Variants in TRIM15 observed in about 807,000 individuals in gnomAD.
TRIM15 encodes E3 ubiquitin-protein ligase TRIM15.
A neutral mutation model predicts 35.8 loss-of-function variants in TRIM15; 35 were observed. The observed-to-expected ratio is 0.98, with a 90% confidence interval of 0.75 to 1.30. The LOEUF is 1.30. TRIM15 is among the 50% of genes most tolerant of loss of function. The pLI is 0.00. For synonymous variants in TRIM15, 252 were observed against 249.8 expected, an observed-to-expected ratio of 1.01 and a Z score of -0.08; for missense variants, 590 against 593.5, an observed-to-expected ratio of 0.99 and a Z score of 0.06.
intron 4 of TRIM15, 198 bp from the exon 5 acceptor site, chr6:30,170,303 G>C (rs1456460201): frequency 3.6e-6 from 2 of 559,678 alleles, no homozygotes; most frequent in Non-Finnish European, 6.3e-6. Flanking sequence ...ATTATCCTTA[G>C]TTCCTCTTAG....
intron 6 of TRIM15, 55 bp downstream of exon 6, chr6:30,171,063 G>T: frequency 5.7e-6 from 9 of 1,567,740 alleles, no homozygotes; most frequent in South Asian, 2.3e-5. Context: ...TCAATCCATG[G>T]CAGCAAACAG....
chr6:30,171,073 G>C (rs1773984352), intron 6 of TRIM15, 65 bp downstream of exon 6: 5 of 1,549,308 alleles, frequency 3.2e-6, no homozygotes, highest in Admixed American at 1.9e-5. Flanking sequence ...GCAGCAAACA[G>C]AGCAATAAAA....
At chr6:30,170,932 A>C in intron 5 of TRIM15, 44 bp from the exon 6 acceptor site, 1 of 1,598,108 alleles carries the variant, frequency 6.3e-7, no homozygotes, top group Non-Finnish European at 8.5e-7. Flanking sequence ...GCCTATAAGA[A>C]GTAATAAGTC....
At position 30,171,919 on chromosome 6, in the gene TRIM15, A is replaced by G; in HGVS notation, c.968A>G (p.Lys323Arg). The part of the protein sequence containing the change: ...RKSVRYTRQK[K>R]SLPDSPLRFD... ...TCAGTGAGGTACACCCGGCAGAAGA[A>G]GAGCCTGCCAGACAGCCCCCTGCGC... Residue 323 changes from lysine (K) to arginine (R), a missense_variant, in exon 7 of 7, where the codon AAG becomes AGG. Physicochemically the swap from Lys to Arg is conservative, Grantham distance 26. Coordinates refer to ENST00000376694, the MANE Select transcript of TRIM15 (RefSeq NM_033229.3). 6.2e-7 allele frequency: 1 copy of G among 1,600,214 alleles called. No homozygotes were observed. The highest frequency in any genetic ancestry group is 8.5e-7 in the Non-Finnish European group (1 of 1,173,678).
Position 30,163,826 on chromosome 6 carries a change from G to C in TRIM15, c.142G>C (p.Ala48Pro). ...CCTCCCCGCGCTCTCCCAGATGGGG[G>C]CCCAATCCTCGGGCAAGATCCTGCT... ...LCLPALSQMG[A>P]QSSGKILLCP... Residue 48 changes from alanine to proline, a missense_variant, in exon 1 of 7, where the codon GCC becomes CCC. By Grantham distance (27) the Ala-to-Pro change is conservative (BLOSUM62 -1). Coordinates refer to ENST00000376694, the MANE Select transcript of TRIM15 (RefSeq NM_033229.3). The C allele has an allele frequency of 6.2e-7, 1 of 1,613,046 alleles. No individual in the cohort carries two copies. Among genetic ancestry groups the C allele is most frequent in the African/African-American group, 1.3e-5 (1 of 75,060 alleles).
intron 1 of TRIM15, among the ~76,000 whole-genome samples, chr6:30,165,839 T>G (rs1304568370): frequency 6.6e-6 from 1 of 152,264 alleles, no homozygotes; most frequent in East Asian, 1.9e-4. Context: ...TGATTTGCAT[T>G]TCTCTAATGA....
chr6:30,167,369 AC>A, intron 2 of TRIM15, 98 bp downstream of exon 2: 1 of 953,006 alleles, frequency 1.0e-6, no homozygotes, highest in South Asian at 1.5e-5. Context: ...GCTGAAAAGA[AC>A]TGACAAACTG....
intron 3 of TRIM15, 145 bp downstream of exon 3, chr6:30,168,675 C>A: frequency 1.3e-6 from 1 of 770,822 alleles, no homozygotes; most frequent in South Asian, 1.5e-5. Flanking sequence ...TGGAGACTTG[C>A]CCAAGTCATA....
At chr6:30,166,175 G>T (rs1278267227) in intron 1 of TRIM15, among the ~76,000 whole-genome samples, 3 of 152,076 alleles carry the variant, frequency 2.0e-5, no homozygotes, top group Non-Finnish European at 2.9e-5. Context: ...TGAAGTCTTT[G>T]CCCATGCCTA....
chr6:30,163,877 C>T lies in TRIM15; in HGVS notation c.193C>T (p.Gln65Ter). Residue 65 changes from glutamine (Q) to a stop codon, truncating the protein, a stop_gained, in exon 1 of 7, where the codon CAG (glutamine) becomes TAG (stop). Transcript: ENST00000376694. LOFTEE classifies it high-confidence loss of function. ...LLCPLCQEEE[Q>*]AETPMAPVPL... ...CTGCCCGCTCTGCCAAGAGGAGGAG[C>T]AGGCAGAGACTCCCATGGCCCCTGT... 6.2e-7 allele frequency: 1 copy of T among 1,613,052 alleles called. No homozygotes were observed.
rs1773748585 is a variant in TRIM15, at chr6:30,168,238, G to A, written c.478-62G>A. ...GTTAATCAATAATAAGTATATAGAT[G>A]ATCATCCTGGAAGCTATCTCTGAGC... On this transcript the variant is annotated intron_variant, in intron 2 of 6. Transcript: ENST00000376694. 4.2e-6 allele frequency: 6 copies of A among 1,416,570 alleles called. No homozygotes were observed. In the East Asian group the frequency reaches 1.4e-4, roughly 33 times the overall value. 87.8% of individuals were successfully genotyped at this position (1,416,570 alleles called of 1,614,324 possible). A position where few individuals can be genotyped will look rare whatever the true frequency, so the allele number is the denominator to read the frequency against.
Position 30,168,485 on chromosome 6 carries a change from G to C in TRIM15, c.663G>C (p.Lys221Asn). 6.2e-7 allele frequency: 1 copy of C among 1,609,048 alleles called. No individual in the cohort carries two copies. Among genetic ancestry groups the C allele is most frequent in the East Asian group, 2.2e-5 (1 of 44,806 alleles). Residue 221 changes from lysine to asparagine, a missense_variant, in exon 3 of 7, where the codon AAG becomes AAC. Lys to Asn is a moderately conservative substitution (Grantham distance 94). Transcript: ENST00000376694. ...EEVTRLGAQV[K>N]ELEEKCQQPA... is the part of the protein sequence containing the mutation. ...TCACCCGGCTTGGAGCCCAGGTCAA[G>C]GAGCTGGAGGAGAAGTGTCAGCAGC...
Position 30,170,616 on chromosome 6 carries a change from G to T in TRIM15, c.847G>T (p.Glu283Ter). Residue 283 changes from glutamate (E) to a stop codon, truncating the protein, a stop_gained and splice_region_variant, in exon 5 of 7, where the codon GAA becomes TAA. Coordinates refer to ENST00000376694, the MANE Select transcript of TRIM15 (RefSeq NM_033229.3). LOFTEE classifies it low-confidence loss of function (END_TRUNC). ...TLPEMMRMFS[E>*]NLAHHLEIDS... ...CCCAGAGATGATGAGGATGTTCTCA[G>T]GTAAAGGGGAAGGCGCCACAGTTTT... is the stretch of plus-strand genomic sequence containing the variant. The T allele has an allele frequency of 1.2e-6, 2 of 1,611,422 alleles. No individual in the cohort carries two copies. Among genetic ancestry groups the T allele is most frequent in the Non-Finnish European group, 1.7e-6 (2 of 1,178,070 alleles).
intron 1 of TRIM15, among the ~76,000 whole-genome samples, chr6:30,165,122 T>A (rs1271049106): frequency 6.6e-6 from 1 of 152,122 alleles, no homozygotes; most frequent in African/African-American, 2.4e-5. Context: ...TTTTTTTTAT[T>A]ATACATGTTC....
chr6:30,171,933 A>G lies in TRIM15; in HGVS notation c.982A>G (p.Ser328Gly). ...CCGGCAGAAGAAGAGCCTGCCAGAC[A>G]GCCCCCTGCGCTTCGACGGCCTCCC... ...YTRQKKSLPD[S>G]PLRFDGLPAV... The change falls in exon 7 of 7, where the codon AGC (serine) becomes GGC (glycine). Residue 328 changes from serine to glycine, a missense_variant. Physicochemically the swap from Ser to Gly is moderately conservative, Grantham distance 56 (BLOSUM62 0). Transcript: ENST00000376694. 1 of 1,598,422 alleles carries G rather than the reference A, an allele frequency of 6.3e-7. No individual in the cohort carries two copies. The highest frequency in any genetic ancestry group is 8.5e-7 in the Non-Finnish European group (1 of 1,172,664).
chr6:30,164,084 C>G lies in TRIM15; in HGVS notation c.381+19C>G, dbSNP rs1773400138. 2.5e-6 allele frequency: 4 copies of G among 1,597,986 alleles called. No homozygotes were observed. On this transcript the variant is annotated intron_variant, in intron 1 of 6. Coordinates refer to ENST00000376694, the MANE Select transcript of TRIM15 (RefSeq NM_033229.3). ...CTACCGGGTAAGAAGTGTAGCTTTA[C>G]CTAGGGCCTGTTTGGGGCAGGATGA...
At chr6:30,166,196 G>A (rs192165210) in intron 1 of TRIM15, among the ~76,000 whole-genome samples, 60 of 152,228 alleles carry the variant, frequency 3.9e-4, no homozygotes, top group African/African-American at 1.4e-3. Context: ...TGTCCTGAAT[G>A]GTATTGCCTA....
chr6:30,167,191 C>T lies in TRIM15; in HGVS notation c.397C>T (p.Arg133Ter), dbSNP rs756240134. ...IQPYRDRLRS[R>*]LEALSTERDE... Reference sequence around the variant, plus strand: ...CTCCCCACAGGATCGTCTCAGGAGTCGACTGGAAGCTCTGAGCACGGAGAG... The same window carrying T: ...CTCCCCACAGGATCGTCTCAGGAGTTGACTGGAAGCTCTGAGCACGGAGAG... The change falls in exon 2 of 7, where the codon CGA (arginine) becomes TGA (stop). Residue 133 changes from arginine to a stop codon, truncating the protein, a stop_gained. Transcript: ENST00000376694. LOFTEE classifies it high-confidence loss of function. 2.5e-6 allele frequency: 4 copies of T among 1,612,992 alleles called. No individual in the cohort carries two copies. Among genetic ancestry groups the T allele is most frequent in the African/African-American group, 1.3e-5 (1 of 75,024 alleles).
At chr6:30,171,237 G>C (rs1465290142) in intron 6 of TRIM15, 1 of 482,028 alleles carries the variant, frequency 2.1e-6, no homozygotes, top group Non-Finnish European at 3.6e-6. Flanking sequence ...AAGTAGCTGT[G>C]AGGACAAAAT....
Sources: allele counts gnomAD v4.1 joint callset (sites outside exome capture counted in the v4.1 genomes callset), GRCh38; gene constraint gnomAD v4.1.1; transcripts MANE v1.5; gene names NCBI Gene and HGNC (gene_info 2026-07-23, HGNC 2026-07-21).